The following PCED1B variants were observed in gnomAD, a reference collection of about 807,000 sequenced individuals.
The protein encoded by PCED1B is PC-esterase domain-containing protein 1B.
For synonymous variants in PCED1B, 251 were observed against 246.1 expected (o/e 1.02, Z -0.19); for missense variants, 573 against 573.9 (o/e 1.00, Z 0.02).
chr12:47,236,495 C>T lies in PCED1B; in HGVS notation c.*133C>T. 2 of 941,604 alleles carry T rather than the reference C, an allele frequency of 2.1e-6. No homozygotes were observed. Among genetic ancestry groups the T allele is most frequent in the Non-Finnish European group, 3.1e-6 (2 of 653,438 alleles). 58.3% of individuals were successfully genotyped at this position (941,604 alleles called of 1,614,324 possible). A position where few individuals can be genotyped will look rare whatever the true frequency, so the allele number is the denominator to read the frequency against. ...GTCCATGCCTCGTCTTCCTTTTGTT[C>T]ATTGCTGTTACCAAGAAAGCCAAGG... is the stretch of plus-strand genomic sequence containing the variant. On this transcript the variant is annotated 3_prime_UTR_variant, in exon 4 of 4. Coordinates refer to ENST00000546455, the MANE Select transcript of PCED1B (RefSeq NM_138371.3).
At chr12:47,180,982 T>A (rs140209683) in intron 2 of PCED1B, among the ~76,000 whole-genome samples, 1 of 129,410 alleles carries the variant, frequency 7.7e-6, no homozygotes, top group Non-Finnish European at 1.6e-5. Context: ...TATTTTCAAC[T>A]GTATTCTCTT....
intron 2 of PCED1B, among the ~76,000 whole-genome samples, chr12:47,184,077 A>G (rs757672090): frequency 8.5e-5 from 13 of 152,050 alleles, no homozygotes; most frequent in South Asian, 2.1e-4. Flanking sequence ...GGGTCTCCCT[A>G]TGTTGCCTAG....
chr12:47,222,685 T>A (rs769233966), intron 3 of PCED1B, among the ~76,000 whole-genome samples: 5 of 152,192 alleles, frequency 3.3e-5, no homozygotes, highest in Non-Finnish European at 7.3e-5. Context: ...GCAGTAATAT[T>A]GTTCCCATTT....
chr12:47,114,689 C>T (rs1939342796), intron 2 of PCED1B, among the ~76,000 whole-genome samples: 1 of 152,208 alleles, frequency 6.6e-6, no homozygotes, highest in Non-Finnish European at 1.5e-5. Context: ...GGTTGCTGCA[C>T]CAAGCCCTCC....
chr12:47,125,585 C>T (rs1435246455), intron 2 of PCED1B, among the ~76,000 whole-genome samples: 2 of 151,948 alleles, frequency 1.3e-5, no homozygotes, highest in Non-Finnish European at 2.9e-5. Flanking sequence ...TCAATCTATA[C>T]ATCAATTTGA....
At position 47,153,672 on chromosome 12, in the gene PCED1B, C is replaced by CA. The variant is rs376710702; in HGVS notation, c.-526+49478dup. 5.5e-4 allele frequency among the ~76,000 whole-genome samples: 84 copies of CA among 152,318 alleles called. 1 individual carries two copies. Among genetic ancestry groups the CA allele is most frequent in the African/African-American group, 2.0e-3 (84 of 41,578 alleles). ...TCCATAGCTAAACTTTGAACCTTTGCATTGCCTTTAGGGAAAGATTTTTCC... is the reference window on the plus strand; with the variant it reads ...TCCATAGCTAAACTTTGAACCTTTGCAATTGCCTTTAGGGAAAGATTTTTCC... On this transcript the variant is annotated intron_variant, in intron 2 of 3. Transcript: ENST00000546455.
intron 2 of PCED1B, among the ~76,000 whole-genome samples, chr12:47,159,652 A>T (rs1941307220): frequency 6.6e-6 from 1 of 151,922 alleles, no homozygotes; most frequent in East Asian, 1.9e-4. Context: ...TATTGAATGA[A>T]CATTTTGCAA....
At chr12:47,227,159 G>GTTTTGT (rs1252796768) in intron 3 of PCED1B, among the ~76,000 whole-genome samples, 6 of 151,928 alleles carry the variant, frequency 3.9e-5, no homozygotes, top group East Asian at 1.9e-4. Context: ...TGTTTGTTTT[G>GTTTTGT]TTTTGTTTTT....
chr12:47,230,900 G>T (rs376239810), intron 3 of PCED1B, among the ~76,000 whole-genome samples: 1 of 152,166 alleles, frequency 6.6e-6, no homozygotes, highest in Non-Finnish European at 1.5e-5. Context: ...CTTCCTACTT[G>T]TTAGGCATTA....
In PCED1B at chr12:47,236,047, G is replaced by A; in HGVS notation, c.984G>A (p.Gln328=). 1 of 1,613,774 alleles carries A rather than the reference G, an allele frequency of 6.2e-7. No homozygotes were observed. Residue 328 remains glutamine, a synonymous_variant, in exon 4 of 4, where the codon CAG becomes CAA. Coordinates refer to ENST00000546455, the MANE Select transcript of PCED1B (RefSeq NM_138371.3). ...PQPPPPILHH[Q]GMPRFPQGPP... is the part of the protein sequence containing the mutation. ...CTCCTCCTCCCATTCTCCATCACCA[G>A]GGAATGCCCCGGTTCCCACAGGGTC...
intron 1 of PCED1B, among the ~76,000 whole-genome samples, chr12:47,094,068 C>T (rs1938374855): frequency 6.6e-6 from 1 of 151,832 alleles, no homozygotes; most frequent in Non-Finnish European, 1.5e-5. Flanking sequence ...ACATTTTTTT[C>T]TCATTGTTCT....
chr12:47,088,793 A>G (rs1421798621), intron 1 of PCED1B, among the ~76,000 whole-genome samples: 2 of 152,196 alleles, frequency 1.3e-5, no homozygotes, highest in East Asian at 3.9e-4. Flanking sequence ...AAACAGCCAG[A>G]TGATAGAAAA....
chr12:47,127,088 A>G (rs955052769), intron 2 of PCED1B, among the ~76,000 whole-genome samples: 3 of 152,098 alleles, frequency 2.0e-5, no homozygotes, highest in Non-Finnish European at 4.4e-5. Context: ...CTTGAGGTGG[A>G]AGCTAAAGTC....
At chr12:47,099,066 C>G (rs766421614) in intron 1 of PCED1B, among the ~76,000 whole-genome samples, 1 of 152,200 alleles carries the variant, frequency 6.6e-6, no homozygotes, top group South Asian at 2.1e-4. Context: ...TCCCCGTCCC[C>G]TTCTCCCCTG....
At chr12:47,198,959 T>A in intron 2 of PCED1B, among the ~76,000 whole-genome samples, 2 of 134,232 alleles carry the variant, frequency 1.5e-5, no homozygotes, top group African/African-American at 2.7e-5. Flanking sequence ...AGAGCTAAAC[T>A]CCATCTCAAA....
intron 2 of PCED1B, among the ~76,000 whole-genome samples, chr12:47,112,056 G>A (rs914994444): frequency 5.3e-5 from 8 of 152,152 alleles, no homozygotes; most frequent in South Asian, 2.1e-4. Context: ...CCCAGCCCAC[G>A]CGAGCTCTGT....
At position 47,235,146 on chromosome 12, in the gene PCED1B, C is replaced by A; in HGVS notation, c.83C>A (p.Ala28Glu). 6.4e-7 allele frequency: 1 copy of A among 1,573,712 alleles called. No homozygotes were observed. Residue 28 changes from alanine to glutamate, a missense_variant, in exon 4 of 4, where the codon GCA becomes GAA. By Grantham distance (107) the Ala-to-Glu change is moderately radical. Transcript: ENST00000546455. ...ATCCTGGGGGACTCTGTGCATAGGG[C>A]AGTATACAAGGACCTGGTGCTTCTG... ...VVILGDSVHRAVYKDLVLLLQ... is the reference protein window; with the variant it reads ...VVILGDSVHREVYKDLVLLLQ...
chr12:47,085,431 T>C (rs1937932978), intron 1 of PCED1B, among the ~76,000 whole-genome samples: 1 of 152,200 alleles, frequency 6.6e-6, no homozygotes, highest in African/African-American at 2.4e-5. Flanking sequence ...TTCTTTATAG[T>C]TGAGAGGTCA....
At position 47,235,499 on chromosome 12, in the gene PCED1B, C is replaced by T. The variant is rs986997300; in HGVS notation, c.436C>T (p.Leu146=). The change falls in exon 4 of 4, where the codon CTG becomes TTG. Residue 146 remains leucine (L), a synonymous_variant. Coordinates refer to ENST00000546455, the MANE Select transcript of PCED1B (RefSeq NM_138371.3). ...AAGCTACCTGGAGAACCTGGAGAAC[C>T]TGTTCCAGTGCCTGGGCCAGGTGCT... ...WRSYLENLEN[L]FQCLGQVLPE... 9 of 1,613,222 alleles carry T rather than the reference C, an allele frequency of 5.6e-6. No homozygotes were observed. Among genetic ancestry groups the T allele is most frequent in the Non-Finnish European group, 7.6e-6 (9 of 1,179,516 alleles).
Sources: gnomAD v4.1 joint callset for allele counts (sites outside exome capture counted in the v4.1 genomes callset) on GRCh38, gnomAD v4.1.1 for gene constraint, MANE v1.5 for transcripts, NCBI Gene and HGNC (gene_info 2026-07-23, HGNC 2026-07-21) for gene names.